EFNA5: variants seen among roughly 807,000 people sequenced by gnomAD.
EFNA5 encodes the protein ephrin A5.
EFNA5 carries 5 observed loss-of-function variants against 22.9 expected under a neutral mutation model. The observed-to-expected ratio is 0.22, with a 90% confidence interval of 0.11 to 0.46. The LOEUF (loss-of-function observed/expected upper bound fraction) is 0.46. Ranked by LOEUF, EFNA5 falls within the 20% of genes least tolerant of loss-of-function variation. The probability of loss-of-function intolerance (pLI) is 0.99; values close to 1 mark genes in which losing one functional copy is unlikely to be tolerated. For synonymous variants in EFNA5, 113 were observed against 112.2 expected (o/e 1.01, Z -0.04); for missense variants, 237 against 293.3 (o/e 0.81, Z 1.40).
intron 1 of EFNA5, among the ~76,000 whole-genome samples, chr5:107,480,520 G>A (rs1382327147): frequency 6.6e-6 from 1 of 152,206 alleles, no homozygotes; most frequent in Non-Finnish European, 1.5e-5. Flanking sequence ...TACGTAAAGC[G>A]CTGGCCTAGG....
intron 1 of EFNA5, among the ~76,000 whole-genome samples, chr5:107,524,969 T>C (rs1357516609): frequency 1.3e-5 from 2 of 152,228 alleles, no homozygotes; most frequent in East Asian, 3.8e-4. Flanking sequence ...ATTAGGCATA[T>C]ATGTTTATAT....
At chr5:107,602,057 AT>A (rs1417019566) in intron 1 of EFNA5, among the ~76,000 whole-genome samples, 1 of 152,170 alleles carries the variant, frequency 6.6e-6, no homozygotes, top group Admixed American at 6.6e-5. Context: ...ACGCTGGTGA[AT>A]CTCGGGAAAG....
At chr5:107,545,688 G>C (rs1378955723) in intron 1 of EFNA5, among the ~76,000 whole-genome samples, 1 of 152,090 alleles carries the variant, frequency 6.6e-6, no homozygotes, top group Non-Finnish European at 1.5e-5. Context: ...CAATCTGCTG[G>C]CATCAAAGGG....
At chr5:107,518,472 C>A (rs796850483) in intron 1 of EFNA5, among the ~76,000 whole-genome samples, 4 of 151,552 alleles carry the variant, frequency 2.6e-5, no homozygotes, top group African/African-American at 9.7e-5. Context: ...CTGTGGAGAA[C>A]AATGGAACAG....
At chr5:107,492,298 GA>G (rs1194009592) in intron 1 of EFNA5, among the ~76,000 whole-genome samples, 1 of 152,004 alleles carries the variant, frequency 6.6e-6, no homozygotes, top group Non-Finnish European at 1.5e-5. Context: ...ATGCTTCAAA[GA>G]TTTTATATCT....
At chr5:107,619,146 C>G (rs1749985307) in intron 1 of EFNA5, among the ~76,000 whole-genome samples, 1 of 151,784 alleles carries the variant, frequency 6.6e-6, no homozygotes, top group Non-Finnish European at 1.5e-5. Flanking sequence ...AGGATGGTGT[C>G]TATCTCCTGA....
intron 1 of EFNA5, among the ~76,000 whole-genome samples, chr5:107,596,057 T>A (rs1053398757): frequency 6.6e-6 from 1 of 152,152 alleles, no homozygotes; most frequent in Non-Finnish European, 1.5e-5. Flanking sequence ...AAAATAAAAT[T>A]CAATGGGAAG....
intron 4 of EFNA5, among the ~76,000 whole-genome samples, chr5:107,382,364 TA>T (rs1164816308): frequency 1.3e-5 from 2 of 152,166 alleles, no homozygotes; most frequent in Non-Finnish European, 2.9e-5. Context: ...TACTTTTAAT[TA>T]AGTTAAATTA....
rs1239985524 is a variant in EFNA5, at chr5:107,534,410, C to A, written c.126-106901G>T. On this transcript the variant is annotated intron_variant, in intron 1 of 4. Transcript: ENST00000333274. ...CATGAGCTAGTAATTAGTTTTATGT[C>A]TAGTCCTGGAAAGCAAATGACAATA... Among the ~76,000 whole-genome samples, 3 of 152,162 alleles carry A rather than the reference C, an allele frequency of 2.0e-5. No individual in the cohort carries two copies. The East Asian group carries it at 5.8e-4, about 29-fold the overall frequency.
intron 2 of EFNA5, among the ~76,000 whole-genome samples, chr5:107,410,827 G>C (rs1173916349): frequency 6.6e-6 from 1 of 152,106 alleles, no homozygotes; most frequent in Non-Finnish European, 1.5e-5. Flanking sequence ...ACTGGCCCTA[G>C]ATCTGATTAG....
chr5:107,378,438 G>A lies in EFNA5; in HGVS notation c.*2817C>T, dbSNP rs1747336889. On this transcript the variant is annotated 3_prime_UTR_variant, in exon 5 of 5. Coordinates refer to ENST00000333274, the MANE Select transcript of EFNA5 (RefSeq NM_001962.3). Reference sequence around the variant, plus strand: ...CTATGACTGTCCTTCAGATTTTTGAGTTGTTTTTGAAATTAAAAGCTTCTA... The same window carrying A: ...CTATGACTGTCCTTCAGATTTTTGAATTGTTTTTGAAATTAAAAGCTTCTA... 1.3e-5 allele frequency: 2 copies of A among 152,088 alleles called. No individual in the cohort carries two copies. The highest frequency in any genetic ancestry group is 4.8e-5 in the African/African-American group (2 of 41,408). The allele number at this position is 152,088 out of a possible 1,614,324, so 9.4% of individuals were successfully genotyped here. A position where few individuals can be genotyped will look rare whatever the true frequency, so the allele number is the denominator to read the frequency against.
At chr5:107,555,404 G>A (rs530238444) in intron 1 of EFNA5, among the ~76,000 whole-genome samples, 37 of 152,260 alleles carry the variant, frequency 2.4e-4, no homozygotes, top group Middle Eastern at 6.8e-3. Context: ...GCCATTTTGT[G>A]TACAGGAGAA....
chr5:107,664,068 T>C (rs1403121879), intron 1 of EFNA5, among the ~76,000 whole-genome samples: 1 of 152,192 alleles, frequency 6.6e-6, no homozygotes, highest in African/African-American at 2.4e-5. Context: ...AATAATGTTT[T>C]CATTGAACTA....
At chr5:107,559,151 T>C (rs1033168246) in intron 1 of EFNA5, among the ~76,000 whole-genome samples, 18 of 152,314 alleles carry the variant, frequency 1.2e-4, no homozygotes, top group African/African-American at 2.2e-4. Flanking sequence ...TGATTCCCTA[T>C]GCAACTTTCC....
chr5:107,435,067 T>C (rs995051750), intron 1 of EFNA5, among the ~76,000 whole-genome samples: 2 of 152,242 alleles, frequency 1.3e-5, no homozygotes, highest in African/African-American at 2.4e-5. Context: ...AATTCTACTA[T>C]TACTGATTTA....
intron 1 of EFNA5, among the ~76,000 whole-genome samples, chr5:107,576,200 T>C (rs909465162): frequency 6.6e-6 from 1 of 152,220 alleles, no homozygotes; most frequent in Non-Finnish European, 1.5e-5. Flanking sequence ...AAACAACCAT[T>C]TCCATCATCA....
intron 1 of EFNA5, among the ~76,000 whole-genome samples, chr5:107,663,609 A>C (rs561990459): frequency 6.6e-6 from 1 of 152,244 alleles, no homozygotes; most frequent in Admixed American, 6.5e-5. Flanking sequence ...TCCAATCATA[A>C]AACTTGCAGC....
intron 1 of EFNA5, among the ~76,000 whole-genome samples, chr5:107,570,206 A>G (rs547799472): frequency 6.6e-6 from 1 of 152,336 alleles, no homozygotes; most frequent in East Asian, 1.9e-4. Context: ...TAAAGTCCGT[A>G]ATTACATAGA....
At chr5:107,616,420 T>C (rs1206477907) in intron 1 of EFNA5, among the ~76,000 whole-genome samples, 4 of 152,198 alleles carry the variant, frequency 2.6e-5, no homozygotes, top group Non-Finnish European at 4.4e-5. Context: ...CAAATGATGA[T>C]AGCAGAGAGC....
Sources: gnomAD v4.1 joint callset for allele counts (sites outside exome capture counted in the v4.1 genomes callset) on GRCh38, gnomAD v4.1.1 for gene constraint, MANE v1.5 for transcripts, NCBI Gene and HGNC (gene_info 2026-07-23, HGNC 2026-07-21) for gene names.